Variants in XK observed in about 807,000 individuals in gnomAD.
The protein encoded by XK is X-linked Kx blood group antigen, Kell and VPS13A binding protein.
XK carries 2 observed loss-of-function variants against 14.0 expected under a neutral mutation model. The ratio of observed to expected loss-of-function variants is 0.14; its 90% CI spans 0.06 to 0.45. XK has a LOEUF of 0.45. Among genes scored for constraint, XK ranks in the 20% least tolerant of loss-of-function variants. XK has a pLI of 0.98. For missense variants in XK, 235 were observed against 341.5 expected, an observed-to-expected ratio of 0.69 and a Z score of 2.46; for synonymous variants, 149 against 147.5, an observed-to-expected ratio of 1.01 and a Z score of -0.08.
rs375787341 is a variant in XK, at chrX:37,711,776, G to A, written c.509-15860G>A. On this transcript the variant is annotated intron_variant, in intron 2 of 2. Coordinates refer to ENST00000378616, the MANE Select transcript of XK (RefSeq NM_021083.4). ...TGATAATTTGAATCACAGTTGTCTAGGCATATGCAGCTGTGAAAAAGACAG... is the reference window on the plus strand; with the variant it reads ...TGATAATTTGAATCACAGTTGTCTAAGCATATGCAGCTGTGAAAAAGACAG... Among the ~76,000 whole-genome samples the A allele has an allele frequency of 4.2e-4, 47 of 111,193 alleles. 2 individuals are homozygous for A. Among genetic ancestry groups the A allele is most frequent in the African/African-American group, 1.3e-3 (40 of 30,625 alleles).
rs782072628 is a variant in XK at position 37,694,393 on chromosome X, T to C, written c.353T>C (p.Ile118Thr). Residue 118 changes from isoleucine to threonine, a missense_variant, in exon 2 of 3, where the codon ATT (isoleucine) becomes ACT (threonine). Physicochemically the swap from Ile to Thr is moderately conservative, Grantham distance 89 (BLOSUM62 -1). Transcript: ENST00000378616. The part of the protein sequence containing the change: ...QMPKNGLSEE[I>T]EKEVGQAEGK... ...CCAAAAAATGGCCTCTCAGAGGAGA[T>C]TGAGAAGGAGGTGGGCCAGGCAGAA... is the stretch of plus-strand genomic sequence containing the variant. The C allele has an allele frequency of 3.2e-5, 38 of 1,204,950 alleles. No individual in the cohort carries two copies. In the African/African-American group the frequency reaches 5.3e-4, roughly 17 times the overall value.
rs563311329 is a variant in XK at position 37,717,300 on chromosome X, G to T, written c.509-10336G>T. On this transcript the variant is annotated intron_variant, in intron 2 of 2. Transcript: ENST00000378616. The stretch of plus-strand genomic sequence containing the variant: ...TACTGGTTAAGGCTACGATTCTGGA[G>T]CAAGACTACTTAGGTTGGAATTCCT... Among the ~76,000 whole-genome samples, 4 of 111,786 alleles carry T rather than the reference G, an allele frequency of 3.6e-5. No homozygotes were observed. The South Asian group carries it at 1.5e-3, about 41-fold the overall frequency.
chrX:37,716,394 G>C (rs112079105), intron 2 of XK, among the ~76,000 whole-genome samples: 14 of 112,440 alleles, frequency 1.2e-4, no homozygotes, highest in South Asian at 3.6e-4. Flanking sequence ...AGAGGGAAGG[G>C]AAGATAGATT....
At chrX:37,690,038 G>T (rs191055763) in intron 1 of XK, among the ~76,000 whole-genome samples, 119 of 111,560 alleles carry the variant, frequency 1.1e-3, no homozygotes, top group African/African-American at 3.4e-3. Context: ...TAAAATAAAG[G>T]CTAAGAAGTT....
intron 2 of XK, among the ~76,000 whole-genome samples, chrX:37,708,807 C>G (rs1017828527): frequency 8.9e-5 from 10 of 112,502 alleles, no homozygotes; most frequent in African/African-American, 2.9e-4. Flanking sequence ...AAACCTCCTA[C>G]AACTTTCTTT....
intron 2 of XK, among the ~76,000 whole-genome samples, chrX:37,704,798 G>A (rs1405570377): frequency 9.0e-6 from 1 of 111,450 alleles, no homozygotes; most frequent in Admixed American, 9.5e-5. Context: ...TCACGCCATT[G>A]CACTCCAGCC....
chrX:37,692,020 T>A (rs1556441478), intron 1 of XK, among the ~76,000 whole-genome samples: 1 of 111,688 alleles, frequency 9.0e-6, no homozygotes, highest in Non-Finnish European at 1.9e-5. Context: ...GTATATGTAC[T>A]TCTATACCAT....
intron 1 of XK, among the ~76,000 whole-genome samples, chrX:37,692,902 T>C (rs1305875632): frequency 2.7e-5 from 3 of 111,612 alleles, no homozygotes; most frequent in African/African-American, 9.8e-5. Context: ...TTTACATTGT[T>C]TTCATGTAAT....
In XK at chrX:37,696,074, TA is replaced by T. The variant is rs1927301994; in HGVS notation, c.508+1527del. ...TCCAATTTTTTTCCTCAAGTTTTTT[TA>T]GTGAAGATTGTCTCACAGTTGAAGG... On this transcript the variant is annotated intron_variant, in intron 2 of 2. Transcript: ENST00000378616. 7.1e-5 allele frequency among the ~76,000 whole-genome samples: 8 copies of T among 112,130 alleles called. No individual in the cohort carries two copies. In the South Asian group the frequency reaches 3.0e-3, roughly 42 times the overall value.
At chrX:37,698,353 A>ACCT (rs1927342271) in intron 2 of XK, among the ~76,000 whole-genome samples, 7 of 109,695 alleles carry the variant, frequency 6.4e-5, no homozygotes, top group Non-Finnish European at 3.8e-5. Context: ...CTGTGATCCT[A>ACCT]GCACTTTAGG....
At chrX:37,714,246 A>C (rs1295035738) in intron 2 of XK, among the ~76,000 whole-genome samples, 2 of 111,699 alleles carry the variant, frequency 1.8e-5, no homozygotes, top group African/African-American at 6.5e-5. Flanking sequence ...GCTTGATTAT[A>C]TTCAGCAGTG....
chrX:37,695,200 C>T (rs939842564), intron 2 of XK, among the ~76,000 whole-genome samples: 10 of 111,980 alleles, frequency 8.9e-5, no homozygotes, highest in African/African-American at 3.3e-4. Flanking sequence ...TACAGTTTAC[C>T]AGAGGCTGAA....
At chrX:37,723,816 A>T (rs1399391842) in intron 2 of XK, among the ~76,000 whole-genome samples, 1 of 111,463 alleles carries the variant, frequency 9.0e-6, no homozygotes, top group Non-Finnish European at 1.9e-5. Context: ...CATAAGGACT[A>T]TGAAAAAATG....
At chrX:37,710,360 C>T (rs1927639703) in intron 2 of XK, among the ~76,000 whole-genome samples, 1 of 112,442 alleles carries the variant, frequency 8.9e-6, no homozygotes, top group African/African-American at 3.2e-5. Context: ...TCCTTGTCAG[C>T]AATGTTTACC....
rs1176604116 is a variant in XK, at chrX:37,727,667, T to C, written c.540T>C (p.Ile180=). Residue 180 remains isoleucine, a synonymous_variant, in exon 3 of 3, where the codon ATT becomes ATC. Transcript: ENST00000378616. ...TCATGACCATATCCCTGTTGTCCATTGTGTATGGAGCCTTGCGCTGCAACA... is the reference window on the plus strand; with the variant it reads ...TCATGACCATATCCCTGTTGTCCATCGTGTATGGAGCCTTGCGCTGCAACA... ...SLLMTISLLS[I]VYGALRCNIL... The C allele has an allele frequency of 8.3e-7, 1 of 1,208,433 alleles. No individual in the cohort carries two copies. The highest frequency in any genetic ancestry group is 1.8e-5 in the African/African-American group (1 of 56,929).
At chrX:37,698,323 C>A (rs1361253963) in intron 2 of XK, among the ~76,000 whole-genome samples, 2 of 110,167 alleles carry the variant, frequency 1.8e-5, no homozygotes, top group Non-Finnish European at 3.8e-5. Context: ...GGAAATTGAG[C>A]CAGACACAGT....
intron 2 of XK, among the ~76,000 whole-genome samples, chrX:37,719,280 T>G (rs1556448465): frequency 2.7e-5 from 3 of 111,812 alleles, no homozygotes; most frequent in African/African-American, 9.7e-5. Context: ...GTTCAGCAAT[T>G]TTAACATGAT....
At chrX:37,693,940 G>T (rs1295142856) in intron 1 of XK, among the ~76,000 whole-genome samples, 1 of 112,477 alleles carries the variant, frequency 8.9e-6, no homozygotes, top group Non-Finnish European at 1.9e-5. Flanking sequence ...AGGTGACTCG[G>T]CTATGGCTAC....
At chrX:37,693,667 T>C (rs781999926) in intron 1 of XK, among the ~76,000 whole-genome samples, 1 of 111,973 alleles carries the variant, frequency 8.9e-6, no homozygotes, top group African/African-American at 3.2e-5. Context: ...TAAGGACTTA[T>C]GAAAACAGAG....
Sources: gnomAD v4.1 joint callset for allele counts (sites outside exome capture counted in the v4.1 genomes callset) on GRCh38, gnomAD v4.1.1 for gene constraint, MANE v1.5 for transcripts, NCBI Gene and HGNC (gene_info 2026-07-23, HGNC 2026-07-21) for gene names.